The following GNAL variants were observed in gnomAD, a reference collection of about 807,000 sequenced individuals.
GNAL encodes the protein G protein subunit alpha L, also known as guanine nucleotide-binding protein G(olf) subunit alpha.
Under a neutral mutation model 55.1 loss-of-function variants are expected in GNAL, and 18 were observed. The ratio of observed to expected loss-of-function variants is 0.33; its 90% CI spans 0.23 to 0.48. GNAL has a LOEUF of 0.48. Among genes scored for constraint, GNAL ranks in the 20% least tolerant of loss-of-function variants. GNAL has a pLI of 0.99. For missense variants in GNAL, 412 were observed against 614.1 expected (o/e 0.67, Z 3.48); for synonymous variants, 253 against 237.0 (o/e 1.07, Z -0.62).
intron 1 of GNAL, among the ~76,000 whole-genome samples, chr18:11,739,315 G>A (rs2032525377): frequency 6.6e-6 from 1 of 152,224 alleles, no homozygotes; most frequent in Non-Finnish European, 1.5e-5. Flanking sequence ...TTCTGTAGAT[G>A]TGCAGGTGGA....
intron 5 of GNAL, among the ~76,000 whole-genome samples, chr18:11,855,730 T>A (rs991373927): frequency 1.3e-5 from 2 of 152,142 alleles, no homozygotes; most frequent in Admixed American, 1.3e-4. Context: ...CCCAACACTT[T>A]GGGAGGCCGA....
chr18:11,884,934 A>C lies in GNAL; in HGVS notation c.*3799A>C. 1 of 1,294,084 alleles carries C rather than the reference A, an allele frequency of 7.7e-7. No individual in the cohort carries two copies. The highest frequency in any genetic ancestry group is 1.0e-6 in the Non-Finnish European group (1 of 1,002,364). The allele number at this position is 1,294,084 out of a possible 1,614,324, so 80.2% of individuals were successfully genotyped here. On this transcript the variant is annotated 3_prime_UTR_variant, in exon 12 of 12. Coordinates refer to ENST00000334049, the MANE Select transcript of GNAL (RefSeq NM_182978.4). ...TCCCATCAAATATAGTGGGGGATCCATAACAGAGATTCAGAGAGGCACCGT... is the reference window on the plus strand; with the variant it reads ...TCCCATCAAATATAGTGGGGGATCCCTAACAGAGATTCAGAGAGGCACCGT...
intron 4 of GNAL, among the ~76,000 whole-genome samples, chr18:11,813,301 A>T (rs2034870292): frequency 6.6e-6 from 1 of 151,760 alleles, no homozygotes; most frequent in African/African-American, 2.4e-5. Context: ...ATGTTCAATT[A>T]TGTTCATGGA....
chr18:11,692,277 AT>A (rs2031273766), intron 1 of GNAL, among the ~76,000 whole-genome samples: 1 of 152,252 alleles, frequency 6.6e-6, no homozygotes, highest in Non-Finnish European at 1.5e-5. Context: ...GCAAGAATGA[AT>A]AATTTAAAAC....
chr18:11,753,920 CT>C lies in GNAL; in HGVS notation c.600del (p.Ile201SerfsTer14). The part of the protein sequence containing the change: ...FRSDYIKSIA[P>X]ITDFEYSQEF... ...TCAGACTACATCAAGAGCATAGCCC[CT>C]ATCACTGACTTTGAATATTCCCAGG... On this transcript the variant is annotated frameshift_variant, in exon 4 of 12. Transcript: ENST00000334049. LOFTEE classifies it high-confidence loss of function. 1 of 1,609,910 alleles carries C rather than the reference CT, an allele frequency of 6.2e-7. No homozygotes were observed. The highest frequency in any genetic ancestry group is 8.5e-7 in the Non-Finnish European group (1 of 1,176,380).
At chr18:11,772,903 C>T (rs906448177) in intron 4 of GNAL, among the ~76,000 whole-genome samples, 6 of 152,202 alleles carry the variant, frequency 3.9e-5, no homozygotes, top group Non-Finnish European at 8.8e-5. Context: ...TCATTACAGT[C>T]CCTTACATCC....
At chr18:11,852,245 A>G in intron 5 of GNAL, 7 of 1,051,674 alleles carry the variant, frequency 6.7e-6, no homozygotes, top group Non-Finnish European at 9.5e-6. Context: ...TTGGGTTTAC[A>G]GCCCCCTCCA....
chr18:11,742,533 G>A (rs760805411), intron 1 of GNAL, among the ~76,000 whole-genome samples: 1 of 152,236 alleles, frequency 6.6e-6, no homozygotes, highest in Non-Finnish European at 1.5e-5. Flanking sequence ...TGCACCCAGC[G>A]GAGGGGCTGC....
chr18:11,883,060 T>G lies in GNAL; in HGVS notation c.*1925T>G, dbSNP rs749680133. On this transcript the variant is annotated 3_prime_UTR_variant, in exon 12 of 12. Coordinates refer to ENST00000334049, the MANE Select transcript of GNAL (RefSeq NM_182978.4). ...ACATTACTTCATTATTACTCTTCTTTTAGTCTTTAGTCTTTAATATTTTAA... is the reference window on the plus strand; with the variant it reads ...ACATTACTTCATTATTACTCTTCTTGTAGTCTTTAGTCTTTAATATTTTAA... 3 of 152,228 alleles carry G rather than the reference T, an allele frequency of 2.0e-5. No homozygotes were observed. The highest frequency in any genetic ancestry group is 2.9e-5 in the Non-Finnish European group (2 of 68,044). The allele number at this position is 152,228 out of a possible 1,614,324, so 9.4% of individuals were successfully genotyped here.
chr18:11,698,796 C>T (rs1367540415), intron 1 of GNAL, among the ~76,000 whole-genome samples: 4 of 152,112 alleles, frequency 2.6e-5, no homozygotes, highest in African/African-American at 7.2e-5. Flanking sequence ...GCTGTGCATC[C>T]GCTTTCTAAA....
rs1256686183 is a variant in GNAL at position 11,882,735 on chromosome 18, A to T, written c.*1600A>T. 6.6e-6 allele frequency: 1 copy of T among 151,266 alleles called. No homozygotes were observed. Among genetic ancestry groups the T allele is most frequent in the Admixed American group, 6.6e-5 (1 of 15,160 alleles). The allele number at this position is 151,266 out of a possible 1,614,324, so 9.4% of individuals were successfully genotyped here. A position where few individuals can be genotyped will look rare whatever the true frequency, so the allele number is the denominator to read the frequency against. Reference sequence around the variant, plus strand: ...ACGTGTCAATGTTTGTGTCTGGCCTAGGAGAATGAGGATGACAGCTTCACT... The same window carrying T: ...ACGTGTCAATGTTTGTGTCTGGCCTTGGAGAATGAGGATGACAGCTTCACT... On this transcript the variant is annotated 3_prime_UTR_variant, in exon 12 of 12. Coordinates refer to ENST00000334049, the MANE Select transcript of GNAL (RefSeq NM_182978.4).
intron 1 of GNAL, among the ~76,000 whole-genome samples, chr18:11,749,245 C>A (rs1334584774): frequency 6.6e-6 from 1 of 151,978 alleles, no homozygotes; most frequent in African/African-American, 2.4e-5. Context: ...AAGATGTGAG[C>A]TGTGGAAACT....
chr18:11,713,022 G>A (rs544326784), intron 1 of GNAL, among the ~76,000 whole-genome samples: 15 of 152,184 alleles, frequency 9.9e-5, no homozygotes, highest in South Asian at 2.1e-4. Flanking sequence ...GGGCAACTGC[G>A]CTGTTTGCAG....
chr18:11,737,525 G>A (rs1055953422), intron 1 of GNAL, among the ~76,000 whole-genome samples: 2 of 152,096 alleles, frequency 1.3e-5, no homozygotes, highest in African/African-American at 4.8e-5. Flanking sequence ...TCTGCAGTGG[G>A]TTTCACTGCC....
At chr18:11,857,753 G>A (rs1190496548) in intron 5 of GNAL, 5 of 984,898 alleles carry the variant, frequency 5.1e-6, no homozygotes, top group Non-Finnish European at 6.0e-6. Flanking sequence ...AACTCTGGCT[G>A]TGCATTACAA....
At chr18:11,861,978 A>ACACACG (rs1419216283) in intron 5 of GNAL, among the ~76,000 whole-genome samples, 3 of 151,322 alleles carry the variant, frequency 2.0e-5, no homozygotes, top group Admixed American at 2.0e-4. Context: ...ACACACACAC[A>ACACACG]CACACACACA....
At chr18:11,695,425 G>A (rs2031377595) in intron 1 of GNAL, among the ~76,000 whole-genome samples, 1 of 152,198 alleles carries the variant, frequency 6.6e-6, no homozygotes, top group African/African-American at 2.4e-5. Flanking sequence ...CCAATTAAAA[G>A]CATACTTGAT....
intron 4 of GNAL, among the ~76,000 whole-genome samples, chr18:11,790,858 C>T (rs1170779528): frequency 2.0e-5 from 3 of 151,922 alleles, no homozygotes; most frequent in Non-Finnish European, 4.4e-5. Flanking sequence ...GGAGTTTCAC[C>T]GTGTTAGCCA....
intron 5 of GNAL, among the ~76,000 whole-genome samples, chr18:11,858,049 G>A (rs576260130): frequency 3.8e-4 from 58 of 152,206 alleles, no homozygotes; most frequent in Non-Finnish European, 6.5e-4. Flanking sequence ...GATTACAAAG[G>A]CATTTAACAG....
Sources: gnomAD v4.1 joint callset for allele counts (sites outside exome capture counted in the v4.1 genomes callset) on GRCh38, gnomAD v4.1.1 for gene constraint, MANE v1.5 for transcripts, NCBI Gene and HGNC (gene_info 2026-07-23, HGNC 2026-07-21) for gene names.